The following ZEB1 variants were observed in gnomAD, a reference collection of about 807,000 sequenced individuals.
ZEB1 encodes the protein zinc finger E-box binding homeobox 1.
Under a neutral mutation model 84.9 loss-of-function variants are expected in ZEB1, and 21 were observed. The observed-to-expected ratio is 0.25, with a 90% confidence interval of 0.18 to 0.36. The LOEUF is 0.36. Ranked by LOEUF, ZEB1 falls within the 10% of genes least tolerant of loss-of-function variation. The pLI, the probability that ZEB1 is intolerant of heterozygous loss-of-function variation, is 1.00. For missense variants in ZEB1, 1,104 were observed against 1,330.2 expected, an observed-to-expected ratio of 0.83 and a Z score of 2.65; for synonymous variants, 420 against 471.1, an observed-to-expected ratio of 0.89 and a Z score of 1.41.
At chr10:31,501,197 C>A (rs1262022750) in intron 3 of ZEB1, among the ~76,000 whole-genome samples, 1 of 152,212 alleles carries the variant, frequency 6.6e-6, no homozygotes, top group Non-Finnish European at 1.5e-5. Flanking sequence ...ATAAAGAAGT[C>A]ATCCCTGAGG....
At chr10:31,361,002 G>A (rs868286176) in intron 1 of ZEB1, 92 of 1,607,812 alleles carry the variant, frequency 5.7e-5, no homozygotes, top group South Asian at 1.4e-4. Flanking sequence ...TGGTACAGGC[G>A]CTTTACAAGG....
At chr10:31,356,551 T>C (rs2042156405) in intron 1 of ZEB1, among the ~76,000 whole-genome samples, 1 of 152,162 alleles carries the variant, frequency 6.6e-6, no homozygotes, top group Admixed American at 6.5e-5. Context: ...TATTGCTGGA[T>C]CATTGGCTCT....
chr10:31,441,009 C>A (rs1428045953), intron 1 of ZEB1, among the ~76,000 whole-genome samples: 1 of 152,060 alleles, frequency 6.6e-6, no homozygotes, highest in African/African-American at 2.4e-5. Flanking sequence ...TCAATGCCAT[C>A]CCCATCAAGC....
chr10:31,321,330 T>G, intron 1 of ZEB1: 1 of 1,436,558 alleles, frequency 7.0e-7, no homozygotes, highest in Non-Finnish European at 9.2e-7. Context: ...GTGATTTTAA[T>G]TATTCAAATA....
rs1341063159 is a variant in ZEB1, at chr10:31,526,924, G to T, written c.3038G>T (p.Gly1013Val). The T allele has an allele frequency of 1.9e-6, 3 of 1,613,992 alleles. No homozygotes were observed. Among genetic ancestry groups the T allele is most frequent in the African/African-American group, 2.7e-5 (2 of 74,950 alleles). ...GAAATCCTCTCGAATGAGCACGTGG[G>T]TGCCAGGGCGTCTCCCTCACAGGGC... ...GPEILSNEHV[G>V]ARASPSQGDS... Residue 1013 changes from glycine (G) to valine (V), a missense_variant, in exon 9 of 9, where the codon GGT becomes GTT. Physicochemically the swap from Gly to Val is moderately radical, Grantham distance 109 (BLOSUM62 -3). Coordinates refer to ENST00000424869, the MANE Select transcript of ZEB1 (RefSeq NM_001174096.2).
At chr10:31,504,597 C>T (rs1298490405) in intron 4 of ZEB1, among the ~76,000 whole-genome samples, 2 of 151,964 alleles carry the variant, frequency 1.3e-5, no homozygotes, top group East Asian at 3.9e-4. Context: ...CATGGGATGT[C>T]TTTCCATTTA....
chr10:31,438,126 C>T lies in ZEB1; in HGVS notation c.59-22911C>T, dbSNP rs115987260. On this transcript the variant is annotated intron_variant, in intron 1 of 8. Transcript: ENST00000424869. ...GCTCATTGCCCTTGACAAGTGAAAGCGTGCGCTCTCCACGAGGCCTCCCTC... is the reference window on the plus strand; with the variant it reads ...GCTCATTGCCCTTGACAAGTGAAAGTGTGCGCTCTCCACGAGGCCTCCCTC... Among the ~76,000 whole-genome samples the T allele has an allele frequency of 2.5e-3, 382 of 152,302 alleles. 4 individuals are homozygous for T. Among genetic ancestry groups the T allele is most frequent in the African/African-American group, 8.7e-3 (362 of 41,564 alleles).
At chr10:31,336,617 T>A (rs890005894) in intron 1 of ZEB1, among the ~76,000 whole-genome samples, 1 of 152,036 alleles carries the variant, frequency 6.6e-6, no homozygotes, top group Non-Finnish European at 1.5e-5. Flanking sequence ...TTAGCACATA[T>A]CAAAATCTAC....
intron 1 of ZEB1, among the ~76,000 whole-genome samples, chr10:31,431,030 A>T (rs559502466): frequency 6.6e-6 from 1 of 152,280 alleles, no homozygotes; most frequent in African/African-American, 2.4e-5. Flanking sequence ...TATTTGTTTT[A>T]TGGATCATGT....
chr10:31,487,510 A>G (rs193143793), intron 2 of ZEB1, among the ~76,000 whole-genome samples: 45 of 151,582 alleles, frequency 3.0e-4, no homozygotes, highest in Admixed American at 1.5e-3. Flanking sequence ...CTTTGGAGAT[A>G]AGAACTGTGA....
Position 31,319,453 on chromosome 10 carries a change from TGCCGCCGCTGCCGGAGCCGCGCCGCG to T in ZEB1, c.58+167_58+192del, listed in dbSNP as rs1324347172. ...AGTAGTGCTCTCTGCCCCCCTCCGC[TGCCGCCGCTGCCGGAGCCGCGCCGCG>T]GCCGCTCGCTCTCCCTGAACCGTTA... On this transcript the variant is annotated intron_variant, in intron 1 of 8. Transcript: ENST00000424869. 17 of 672,744 alleles carry T rather than the reference TGCCGCCGCTGCCGGAGCCGCGCCGCG, an allele frequency of 2.5e-5. No individual in the cohort carries two copies. The East Asian group carries it at 4.7e-4, about 19-fold the overall frequency. 41.7% of individuals were successfully genotyped at this position (672,744 alleles called of 1,614,324 possible).
chr10:31,423,753 C>A (rs530195180), intron 1 of ZEB1, among the ~76,000 whole-genome samples: 34 of 152,102 alleles, frequency 2.2e-4, no homozygotes, highest in South Asian at 1.0e-3. Context: ...TAGTTTGAAA[C>A]CTTCATGAGA....
intron 1 of ZEB1, among the ~76,000 whole-genome samples, chr10:31,346,195 GAAGA>G (rs2040281878): frequency 6.6e-6 from 1 of 152,136 alleles, no homozygotes; most frequent in African/African-American, 2.4e-5. Context: ...CTTTGTTTCA[GAAGA>G]AAAATTCTAT....
chr10:31,490,160 G>A (rs999031759), intron 2 of ZEB1, among the ~76,000 whole-genome samples: 3 of 151,206 alleles, frequency 2.0e-5, no homozygotes, highest in Non-Finnish European at 3.0e-5. Context: ...TTGATTGATG[G>A]GTTCGAGCCT....
chr10:31,407,999 T>C (rs1474833562), intron 1 of ZEB1, among the ~76,000 whole-genome samples: 19 of 148,340 alleles, frequency 1.3e-4, no homozygotes, highest in Admixed American at 3.4e-4. Flanking sequence ...AAAACCCCAT[T>C]GTCTCAGCCC....
intron 1 of ZEB1, among the ~76,000 whole-genome samples, chr10:31,331,026 G>A (rs904472740): frequency 6.8e-6 from 1 of 148,044 alleles, no homozygotes; most frequent in African/African-American, 2.5e-5. Context: ...TATAGAAAAA[G>A]CATTGAACTG....
intron 1 of ZEB1, among the ~76,000 whole-genome samples, chr10:31,435,363 C>T (rs2058164015): frequency 6.6e-6 from 1 of 152,178 alleles, no homozygotes; most frequent in South Asian, 2.1e-4. Flanking sequence ...TAAATGTATG[C>T]TATTTTAAGC....
chr10:31,436,222 C>T (rs942241510), intron 1 of ZEB1, among the ~76,000 whole-genome samples: 2 of 151,986 alleles, frequency 1.3e-5, no homozygotes, highest in East Asian at 1.9e-4. Context: ...AATCTCTTGA[C>T]CTGAAGTTTT....
intron 1 of ZEB1, among the ~76,000 whole-genome samples, chr10:31,450,580 T>C (rs2060442480): frequency 6.6e-6 from 1 of 152,172 alleles, no homozygotes; most frequent in Non-Finnish European, 1.5e-5. Flanking sequence ...AAAATTGGTT[T>C]ATTCTTGTAA....
Sources: gnomAD v4.1 joint callset for allele counts (sites outside exome capture counted in the v4.1 genomes callset) on GRCh38, gnomAD v4.1.1 for gene constraint, MANE v1.5 for transcripts, NCBI Gene and HGNC (gene_info 2026-07-23, HGNC 2026-07-21) for gene names.